Variants in LGALS8 observed in about 807,000 individuals in gnomAD.
LGALS8 encodes galectin-8.
A neutral mutation model predicts 35.9 loss-of-function variants in LGALS8; 30 were observed. The ratio of observed to expected loss-of-function variants is 0.83; its 90% CI spans 0.62 to 1.13. LGALS8 has a LOEUF of 1.13. Among genes scored for constraint, LGALS8 ranks in the 50% most tolerant of loss-of-function variants. LGALS8 has a pLI of 0.00. For missense variants in LGALS8, 366 were observed against 388.7 expected (o/e 0.94, Z 0.49); for synonymous variants, 138 against 136.1 (o/e 1.01, Z -0.10).
intron 2 of LGALS8, among the ~76,000 whole-genome samples, chr1:236,534,236 A>G (rs1248339901): frequency 6.6e-6 from 1 of 152,196 alleles, no homozygotes; most frequent in Non-Finnish European, 1.5e-5. Context: ...CAAATAGAGT[A>G]TCACATTTTC....
In LGALS8 at chr1:236,540,584, T is replaced by C. The variant is rs201352773; in HGVS notation, c.366T>C (p.His122=). The change falls in exon 5 of 10, where the codon CAT becomes CAC. Residue 122 remains histidine, a synonymous_variant. Transcript: ENST00000366584. ...DKFQVAVNGK[H]TLLYGHRIGP... ...TCTAGGTGGCTGTAAATGGAAAACA[T>C]ACTCTGCTCTATGGCCACAGGATCG... The C allele has an allele frequency of 7.0e-5, 112 of 1,608,598 alleles. No individual in the cohort carries two copies. The East Asian group carries it at 2.0e-3, about 28-fold the overall frequency.
In LGALS8 at chr1:236,550,858, A is replaced by T. The variant is rs112787187; in HGVS notation, c.*2697A>T. On this transcript the variant is annotated 3_prime_UTR_variant, in exon 10 of 10. Transcript: ENST00000366584. ...ACACCCAAAAATAAAAATATGAAAT[A>T]TGAGTGTGAACTCTGAGTAGAGTAT... The T allele has an allele frequency of 1.4e-6, 2 of 1,428,798 alleles. No individual in the cohort carries two copies. 88.5% of individuals were successfully genotyped at this position (1,428,798 alleles called of 1,614,324 possible).
At chr1:236,541,475 T>G in intron 5 of LGALS8, 179 bp from the exon 6 acceptor site, 1 of 491,844 alleles carries the variant, frequency 2.0e-6, no homozygotes, top group Non-Finnish European at 3.6e-6. Context: ...TCTTATTCTC[T>G]GTAATGTTTG....
upstream of LGALS8, among the ~76,000 whole-genome samples, chr1:236,522,381 A>C (rs1558151776): frequency 6.6e-6 from 1 of 152,110 alleles, no homozygotes; most frequent in Non-Finnish European, 1.5e-5. Context: ...AGGCAGGAAG[A>C]TATTGTGAGC....
rs755752861 is a variant in LGALS8 at position 236,548,021 on chromosome 1, T to TAG, written c.815_816insGA (p.Tyr272Ter). 7 of 1,611,114 alleles carry TAG rather than the reference T, an allele frequency of 4.3e-6. No individual in the cohort carries two copies. In the East Asian group the frequency reaches 6.7e-5, roughly 15 times the overall value. Residue 272 changes from tyrosine (Y) to a stop codon, truncating the protein, a stop_gained and frameshift_variant, in exon 10 of 10, where the codon TAT (tyrosine) becomes TAGAT (stop). Coordinates refer to ENST00000366584, the MANE Select transcript of LGALS8 (RefSeq NM_201544.4). LOFTEE classifies it high-confidence loss of function. ...TATCCTTTCCTTTCAGATGATAATTTATTGTGATGTTAGAGAATTCAAGGT... is the reference window on the plus strand; with the variant it reads ...TATCCTTTCCTTTCAGATGATAATTTAGATTGTGATGTTAGAGAATTCAAGGT... ...SPGMYFEMIIYCDVREFKVAV... is the reference protein window; with the variant it reads ...SPGMYFEMII
chr1:236,551,009 AATCAAAATT>A lies in LGALS8; in HGVS notation c.*2850_*2858del. ...CATTCATCTAAAAAAAAAAAAAAAA[AATCAAAATT>A]AAAATCTGAGTCAGTCCGCCTGCCT... On this transcript the variant is annotated 3_prime_UTR_variant, in exon 10 of 10. Coordinates refer to ENST00000366584, the MANE Select transcript of LGALS8 (RefSeq NM_201544.4). The A allele has an allele frequency of 2.0e-6, 3 of 1,536,494 alleles. No individual in the cohort carries two copies. Among genetic ancestry groups the A allele is most frequent in the South Asian group, 1.2e-5 (1 of 83,934 alleles).
intron 1 of LGALS8, chr1:236,524,285 C>T (rs2103063358): frequency 2.2e-6 from 1 of 456,596 alleles, no homozygotes; most frequent in Non-Finnish European, 4.4e-6. Context: ...CGCTCCGGGG[C>T]ATAAGGGATT....
upstream of LGALS8, among the ~76,000 whole-genome samples, chr1:236,520,272 G>A (rs992094677): frequency 1.3e-5 from 2 of 150,180 alleles, no homozygotes; most frequent in African/African-American, 4.9e-5. Flanking sequence ...TTTTGTTTTC[G>A]TAATTTTAAG....
intron 9 of LGALS8, among the ~76,000 whole-genome samples, chr1:236,545,441 G>A (rs1280037187): frequency 1.3e-5 from 2 of 152,160 alleles, no homozygotes; most frequent in African/African-American, 4.8e-5. Context: ...TACCTTTCCC[G>A]AAATATGTTT....
chr1:236,536,116 C>T (rs1013742362), intron 2 of LGALS8: 3 of 152,268 alleles, frequency 2.0e-5, no homozygotes, highest in African/African-American at 4.8e-5. Flanking sequence ...GAAGGCTCCA[C>T]AGAGGAGGCT....
chr1:236,542,638 C>G lies in LGALS8; in HGVS notation c.523-123C>G, dbSNP rs1274970994. The G allele has an allele frequency of 4.0e-6, 4 of 989,244 alleles. No individual in the cohort carries two copies. In the African/African-American group the frequency reaches 6.4e-5, roughly 16 times the overall value. The allele number at this position is 989,244 out of a possible 1,614,324, so 61.3% of individuals were successfully genotyped here. On this transcript the variant is annotated intron_variant, in intron 6 of 9. Coordinates refer to ENST00000366584, the MANE Select transcript of LGALS8 (RefSeq NM_201544.4). ...AAGCACCAGCTGCCTGGAGGTCACA[C>G]CAGAGTGGAGCAGGAACATCCCAGG...
chr1:236,524,701 G>T (rs915100938), intron 1 of LGALS8: 2 of 316,490 alleles, frequency 6.3e-6, no homozygotes, highest in Non-Finnish European at 6.3e-6. Flanking sequence ...AATGCAAGCA[G>T]ATGGCTTAAA....
intron 2 of LGALS8, among the ~76,000 whole-genome samples, chr1:236,528,324 G>A (rs1660934781): frequency 6.7e-6 from 1 of 150,288 alleles, no homozygotes; most frequent in Non-Finnish European, 1.5e-5. Context: ...GGAGGTTGCA[G>A]TGAGCCGAGA....
intron 9 of LGALS8, among the ~76,000 whole-genome samples, chr1:236,545,673 G>C (rs368966392): frequency 1.3e-4 from 20 of 152,338 alleles, no homozygotes; most frequent in African/African-American, 4.6e-4. Flanking sequence ...AGGCGGAATA[G>C]ATAGCAATGT....
chr1:236,528,394 A>AACC (rs78867830), intron 2 of LGALS8, among the ~76,000 whole-genome samples: 2 of 145,802 alleles, frequency 1.4e-5, no homozygotes, highest in African/African-American at 2.5e-5. Flanking sequence ...AAAAAAAAAA[A>AACC]CCCCCCCACA....
At position 236,548,248 on chromosome 1, in the gene LGALS8, A is replaced by G. The variant is rs1195387070; in HGVS notation, c.*87A>G. ...CTGAAACGCATCTCACTGTCATTCT[A>G]TTGTTTATATTGTTAAAATGAGCTT... is the stretch of plus-strand genomic sequence containing the variant. On this transcript the variant is annotated 3_prime_UTR_variant, in exon 10 of 10. Transcript: ENST00000366584. 4.3e-6 allele frequency: 5 copies of G among 1,159,906 alleles called. No homozygotes were observed. Among genetic ancestry groups the G allele is most frequent in the African/African-American group, 3.1e-5 (2 of 64,794 alleles). 71.9% of individuals were successfully genotyped at this position (1,159,906 alleles called of 1,614,324 possible). A position where few individuals can be genotyped will look rare whatever the true frequency, so the allele number is the denominator to read the frequency against.
rs1662641363 is a variant in LGALS8 at position 236,549,934 on chromosome 1, T to C, written c.*1773T>C. The C allele has an allele frequency of 2.6e-5, 4 of 152,232 alleles. No homozygotes were observed. Among genetic ancestry groups the C allele is most frequent in the South Asian group, 2.1e-4 (1 of 4,826 alleles). 9.4% of individuals were successfully genotyped at this position (152,232 alleles called of 1,614,324 possible). ...TGTCTCTAAAATGCAAGTTGGCCTTTTGCTTGCCACATTTCTGCATTAAAC... is the reference window on the plus strand; with the variant it reads ...TGTCTCTAAAATGCAAGTTGGCCTTCTGCTTGCCACATTTCTGCATTAAAC... On this transcript the variant is annotated 3_prime_UTR_variant, in exon 10 of 10. Coordinates refer to ENST00000366584, the MANE Select transcript of LGALS8 (RefSeq NM_201544.4).
Position 236,526,014 on chromosome 1 carries a change from C to T in LGALS8, c.-57C>T. 1 of 1,409,190 alleles carries T rather than the reference C, an allele frequency of 7.1e-7. No individual in the cohort carries two copies. The highest frequency in any genetic ancestry group is 2.3e-5 in the East Asian group (1 of 43,806). 87.3% of individuals were successfully genotyped at this position (1,409,190 alleles called of 1,614,324 possible). On this transcript the variant is annotated 5_prime_UTR_variant, in exon 2 of 10. Transcript: ENST00000366584. This position sits in a 1 kb window ranked among gnomAD's most constrained non-coding sequence, Gnocchi z 4.6. ...CCAGGTAACCTTTAAATGAAACTTG[C>T]CTAAAATCTTAGGTCATACACAGAA...
rs374738464 is a variant in LGALS8 at position 236,531,617 on chromosome 1, G to A, written c.45+5502G>A. On this transcript the variant is annotated intron_variant, in intron 2 of 9. Coordinates refer to ENST00000366584, the MANE Select transcript of LGALS8 (RefSeq NM_201544.4). Reference sequence around the variant, plus strand: ...TGGGATTACAGGTGTGAGCCACCGCGCCCGGCCCCATTTTATTATCTTTAT... The same window carrying A: ...TGGGATTACAGGTGTGAGCCACCGCACCCGGCCCCATTTTATTATCTTTAT... Among the ~76,000 whole-genome samples, 77 of 152,230 alleles carry A rather than the reference G, an allele frequency of 5.1e-4. No homozygotes were observed. The East Asian group carries it at 0.012, about 23-fold the overall frequency.
Sources: gnomAD v4.1 joint callset for allele counts (sites outside exome capture counted in the v4.1 genomes callset) on GRCh38, gnomAD v4.1.1 for gene constraint, Gnocchi (gnomAD v3.1) non-coding constraint, MANE v1.5 for transcripts, NCBI Gene and HGNC (gene_info 2026-07-23, HGNC 2026-07-21) for gene names.